The following GRID1 variants were observed in gnomAD, a reference collection of about 807,000 sequenced individuals.
GRID1 encodes glutamate ionotropic receptor delta type subunit 1, also known as glutamate receptor ionotropic, delta-1.
In GRID1, 28 loss-of-function variants were observed where a neutral mutation model predicts 98.0. That is an observed-to-expected ratio of 0.29 (90% confidence interval 0.21 to 0.39). The LOEUF is 0.39. GRID1 is among the 10% of genes least tolerant of loss of function. The pLI is 1.00. For synonymous variants in GRID1, 553 were observed against 538.5 expected, an observed-to-expected ratio of 1.03 and a Z score of -0.37; for missense variants, 1,111 against 1,340.5, an observed-to-expected ratio of 0.83 and a Z score of 2.67.
At chr10:85,703,353 C>T (rs1841474846) in intron 12 of GRID1, among the ~76,000 whole-genome samples, 1 of 151,838 alleles carries the variant, frequency 6.6e-6, no homozygotes, top group Admixed American at 6.6e-5. Flanking sequence ...ATCATTAAAA[C>T]AATTGGAGCA....
chr10:86,240,358 G>C (rs1346662066), intron 2 of GRID1, among the ~76,000 whole-genome samples: 1 of 152,186 alleles, frequency 6.6e-6, no homozygotes, highest in Non-Finnish European at 1.5e-5. Context: ...CTGGGAGCTA[G>C]AACCTGGCCT....
intron 4 of GRID1, among the ~76,000 whole-genome samples, chr10:85,974,840 T>C (rs1842451830): frequency 6.6e-6 from 1 of 152,212 alleles, no homozygotes; most frequent in Non-Finnish European, 1.5e-5. Flanking sequence ...GCCCAGGCTG[T>C]TCTCAAACTC....
intron 8 of GRID1, among the ~76,000 whole-genome samples, chr10:85,770,856 A>G (rs1167671700): frequency 1.3e-5 from 2 of 152,252 alleles, no homozygotes; most frequent in East Asian, 3.8e-4. Context: ...TGATTGGTGT[A>G]CCTGAAAGTG....
chr10:85,989,039 G>A (rs185901026), intron 4 of GRID1, among the ~76,000 whole-genome samples: 9 of 152,266 alleles, frequency 5.9e-5, no homozygotes, highest in Middle Eastern at 3.4e-3. Flanking sequence ...CAGGAGAGGC[G>A]GATTACGCAG....
At position 85,644,825 on chromosome 10, in the gene GRID1, G is replaced by A. The variant is rs147692200; in HGVS notation, c.2193+2377C>T. Among the ~76,000 whole-genome samples the A allele has an allele frequency of 4.0e-3, 602 of 152,234 alleles. 4 individuals carry two copies. Among genetic ancestry groups the A allele is most frequent in the Non-Finnish European group, 6.7e-3 (459 of 68,010 alleles). ...ACTGTTACTCCACGTCTTCTTCACC[G>A]CCTCTCATTTTGTGCCAAACTAATT... On this transcript the variant is annotated intron_variant, in intron 13 of 15. Transcript: ENST00000327946.
intron 4 of GRID1, among the ~76,000 whole-genome samples, chr10:86,036,077 A>G (rs1040335136): frequency 6.6e-6 from 1 of 152,204 alleles, no homozygotes. Flanking sequence ...AGCCTGGTAT[A>G]TGGAGAAGGA....
chr10:85,816,652 C>T (rs1306259023), intron 8 of GRID1, among the ~76,000 whole-genome samples: 2 of 152,164 alleles, frequency 1.3e-5, no homozygotes, highest in Non-Finnish European at 2.9e-5. Context: ...CCGCACACCA[C>T]AAAAGTAAAC....
intron 13 of GRID1, among the ~76,000 whole-genome samples, chr10:85,629,980 C>A (rs575154281): frequency 1.3e-5 from 2 of 152,210 alleles, no homozygotes; most frequent in African/African-American, 4.8e-5. Context: ...GCATTTTTTT[C>A]ATATGCTTGT....
intron 2 of GRID1, among the ~76,000 whole-genome samples, chr10:86,317,657 A>G (rs1847917650): frequency 6.6e-6 from 1 of 152,140 alleles, no homozygotes; most frequent in Admixed American, 6.5e-5. Context: ...TGGGCCATGA[A>G]AGCAAGAGGG....
chr10:85,874,529 A>G (rs981984397), intron 5 of GRID1, among the ~76,000 whole-genome samples: 2 of 152,176 alleles, frequency 1.3e-5, no homozygotes, highest in Admixed American at 6.5e-5. Flanking sequence ...CTTTTGTCCA[A>G]TTTCCACTGA....
At chr10:86,154,011 G>A (rs1845208054) in intron 3 of GRID1, among the ~76,000 whole-genome samples, 4 of 152,200 alleles carry the variant, frequency 2.6e-5, no homozygotes, top group Non-Finnish European at 5.9e-5. Context: ...ACTGGACGGT[G>A]GAGCCATCCA....
chr10:86,146,893 G>A (rs1845096339), intron 3 of GRID1, among the ~76,000 whole-genome samples: 1 of 152,104 alleles, frequency 6.6e-6, no homozygotes, highest in South Asian at 2.1e-4. Context: ...CCCTGCAATC[G>A]ATCCATGCAG....
intron 5 of GRID1, among the ~76,000 whole-genome samples, chr10:85,884,027 A>T (rs914835809): frequency 6.6e-6 from 1 of 152,194 alleles, no homozygotes; most frequent in Non-Finnish European, 1.5e-5. Flanking sequence ...CACAATCATA[A>T]GAAAAAATCT....
chr10:86,082,182 C>CA (rs1362744394), intron 4 of GRID1, among the ~76,000 whole-genome samples: 1 of 151,974 alleles, frequency 6.6e-6, no homozygotes, highest in Non-Finnish European at 1.5e-5. Context: ...TTAATTTTCT[C>CA]AAAAAAGGAA....
intron 2 of GRID1, among the ~76,000 whole-genome samples, chr10:86,270,487 C>T (rs913201397): frequency 3.9e-5 from 6 of 152,126 alleles, no homozygotes; most frequent in African/African-American, 1.4e-4. Context: ...GTCAGCAGTT[C>T]GAAACCACCC....
At chr10:86,276,768 G>A (rs1456780126) in intron 2 of GRID1, among the ~76,000 whole-genome samples, 7 of 152,040 alleles carry the variant, frequency 4.6e-5, no homozygotes, top group Non-Finnish European at 1.0e-4. Flanking sequence ...GGGATTACAG[G>A]CGTGAGCCAC....
chr10:86,229,297 T>C (rs72841779), intron 2 of GRID1, among the ~76,000 whole-genome samples: 1 of 151,744 alleles, frequency 6.6e-6, no homozygotes, highest in Non-Finnish European at 1.5e-5. Flanking sequence ...AGGCACCTGC[T>C]GGGGCCTGAG....
At chr10:86,022,285 C>T (rs1843060032) in intron 4 of GRID1, among the ~76,000 whole-genome samples, 1 of 152,174 alleles carries the variant, frequency 6.6e-6, no homozygotes, top group South Asian at 2.1e-4. Context: ...TTTTCTAATA[C>T]TTGAATCAAG....
At chr10:86,054,458 A>AAAG (rs1843546740) in intron 4 of GRID1, among the ~76,000 whole-genome samples, 1 of 152,106 alleles carries the variant, frequency 6.6e-6, no homozygotes, top group African/African-American at 2.4e-5. Flanking sequence ...CCTAACTCTA[A>AAAG]AAGAAGATCA....
Sources: gnomAD v4.1 joint callset for allele counts (sites outside exome capture counted in the v4.1 genomes callset) on GRCh38, gnomAD v4.1.1 for gene constraint, MANE v1.5 for transcripts, NCBI Gene and HGNC (gene_info 2026-07-23, HGNC 2026-07-21) for gene names.